ROBO2: variants seen among roughly 807,000 people sequenced by gnomAD.
ROBO2 encodes roundabout guidance receptor 2.
A neutral mutation model predicts 160.8 loss-of-function variants in ROBO2; 53 were observed. The observed-to-expected ratio is 0.33, with a 90% CI of 0.26 to 0.41. The LOEUF is 0.41. ROBO2 is among the 10% of genes least tolerant of loss of function. ROBO2 has a pLI of 1.00. For synonymous variants in ROBO2, 664 were observed against 611.7 expected (o/e 1.09, Z -1.26); for missense variants, 1,577 against 1,722.4 (o/e 0.92, Z 1.49).
intron 2 of ROBO2, among the ~76,000 whole-genome samples, chr3:76,695,677 T>G (rs1184986948): frequency 6.6e-6 from 1 of 152,158 alleles, no homozygotes; most frequent in Non-Finnish European, 1.5e-5. Context: ...CCAAAAACTT[T>G]AGATGTTTTA....
At chr3:76,158,182 G>T (rs976857173) in intron 2 of ROBO2, among the ~76,000 whole-genome samples, 1 of 152,044 alleles carries the variant, frequency 6.6e-6, no homozygotes, top group African/African-American at 2.4e-5. Flanking sequence ...CCAGAAAGCT[G>T]GAAGTCACCT....
intron 2 of ROBO2, among the ~76,000 whole-genome samples, chr3:76,168,349 G>GT (rs757890718): frequency 5.9e-5 from 9 of 152,096 alleles, no homozygotes; most frequent in South Asian, 2.1e-4. Context: ...TTGAAAGAAT[G>GT]TTTTTTATCC....
intron 2 of ROBO2, among the ~76,000 whole-genome samples, chr3:76,119,040 G>A (rs1026410874): frequency 5.3e-5 from 8 of 152,142 alleles, no homozygotes; most frequent in African/African-American, 1.7e-4. Context: ...CTTGGGAAAT[G>A]AATGCAATAT....
chr3:76,886,455 C>T (rs905187895), intron 2 of ROBO2, among the ~76,000 whole-genome samples: 1 of 151,868 alleles, frequency 6.6e-6, no homozygotes, highest in Non-Finnish European at 1.5e-5. Context: ...AGCCCAGCTT[C>T]TGAGTTATGG....
At chr3:77,195,441 T>G (rs936795253) in intron 2 of ROBO2, among the ~76,000 whole-genome samples, 11 of 152,134 alleles carry the variant, frequency 7.2e-5, no homozygotes, top group Admixed American at 7.2e-4. Flanking sequence ...AATGCACTGA[T>G]GAGCAGTTCA....
At chr3:76,028,978 A>T (rs903046855) in intron 2 of ROBO2, among the ~76,000 whole-genome samples, 1 of 152,062 alleles carries the variant, frequency 6.6e-6, no homozygotes, top group African/African-American at 2.4e-5. Flanking sequence ...ATATTTGCCA[A>T]ATTGTCTAAA....
intron 2 of ROBO2, among the ~76,000 whole-genome samples, chr3:76,114,636 T>C (rs1013255444): frequency 2.6e-5 from 4 of 152,056 alleles, no homozygotes; most frequent in Admixed American, 6.6e-5. Context: ...ATCACCCACC[T>C]AGTAAGAGAT....
At chr3:77,557,897 T>C (rs779851156) in intron 8 of ROBO2, 47 bp from the exon 10 acceptor site, 15 of 1,451,522 alleles carry the variant, frequency 1.0e-5, no homozygotes, top group Non-Finnish European at 1.4e-5. Flanking sequence ...TCAAGCCTAC[T>C]GAACTACATT....
chr3:76,279,368 A>C (rs1708111040), intron 2 of ROBO2, among the ~76,000 whole-genome samples: 1 of 151,930 alleles, frequency 6.6e-6, no homozygotes, highest in Non-Finnish European at 1.5e-5. Context: ...ATATAACTCC[A>C]AGTGATTCTA....
At chr3:77,391,061 CAT>C (rs2074675322) in intron 2 of ROBO2, among the ~76,000 whole-genome samples, 1 of 152,044 alleles carries the variant, frequency 6.6e-6, no homozygotes, top group Non-Finnish European at 1.5e-5. Flanking sequence ...CCTCAAAAGG[CAT>C]TAATTCCACT....
chr3:77,531,691 A>G (rs925071233), intron 6 of ROBO2, among the ~76,000 whole-genome samples: 7 of 152,122 alleles, frequency 4.6e-5, no homozygotes, highest in Admixed American at 3.9e-4. Flanking sequence ...ATAATTGGAT[A>G]TTGGAAAATC....
chr3:77,649,900 G>A (rs374149940), exon 26 of ROBO2: 3 of 152,146 alleles, frequency 2.0e-5, no homozygotes, highest in African/African-American at 7.2e-5. Context: ...TCGGTTAATA[G>A]TATTGTCAAA....
At chr3:76,600,411 G>A (rs1443290387) in intron 2 of ROBO2, among the ~76,000 whole-genome samples, 1 of 152,146 alleles carries the variant, frequency 6.6e-6, no homozygotes, top group African/African-American at 2.4e-5. Context: ...TCATGCTGCT[G>A]ATAAGGACAT....
At chr3:76,683,255 TAA>T (rs1362134697) in intron 2 of ROBO2, among the ~76,000 whole-genome samples, 1 of 152,074 alleles carries the variant, frequency 6.6e-6, no homozygotes, top group Non-Finnish European at 1.5e-5. Context: ...GAAAATAACT[TAA>T]GACACTTATT....
chr3:76,340,772 C>CT (rs772546930), intron 2 of ROBO2, among the ~76,000 whole-genome samples: 24 of 152,148 alleles, frequency 1.6e-4, no homozygotes, highest in Non-Finnish European at 3.2e-4. Flanking sequence ...ATAAAATGAA[C>CT]TTTTTTTAGT....
At chr3:77,156,112 T>G (rs72891555) in intron 2 of ROBO2, among the ~76,000 whole-genome samples, 8,568 of 152,012 alleles carry the variant, frequency 0.056, 555 homozygotes, top group East Asian at 0.22. Flanking sequence ...TGTCTTAAAA[T>G]TTCTTCATCT....
At chr3:75,971,270 A>G (rs1296298415) in intron 2 of ROBO2, among the ~76,000 whole-genome samples, 1 of 151,528 alleles carries the variant, frequency 6.6e-6, no homozygotes, top group East Asian at 1.9e-4. Flanking sequence ...ATCATGTTAT[A>G]TATCAAAATA....
chr3:76,212,333 A>C (rs1703195854), intron 2 of ROBO2, among the ~76,000 whole-genome samples: 1 of 152,020 alleles, frequency 6.6e-6, no homozygotes, highest in Non-Finnish European at 1.5e-5. Context: ...AATATAATTG[A>C]AAACAATTTA....
At chr3:76,796,198 G>A (rs1047415839) in intron 2 of ROBO2, among the ~76,000 whole-genome samples, 2 of 151,996 alleles carry the variant, frequency 1.3e-5, no homozygotes, top group Admixed American at 6.6e-5. Flanking sequence ...CCTGTCCATC[G>A]AAGCCAGGCA....
Sources: gnomAD v4.1 joint callset for allele counts (sites outside exome capture counted in the v4.1 genomes callset) on GRCh38, gnomAD v4.1.1 for gene constraint, MANE v1.5 for transcripts, NCBI Gene and HGNC (gene_info 2026-07-23, HGNC 2026-07-21) for gene names.